The following NKAIN2 variants were observed in gnomAD, a reference collection of about 807,000 sequenced individuals.
NKAIN2 encodes the protein sodium/potassium transporting ATPase interacting 2, also known as sodium/potassium-transporting ATPase subunit beta-1-interacting protein 2.
In NKAIN2, 14 loss-of-function variants were observed where a neutral mutation model predicts 32.6. The observed-to-expected ratio is 0.43, with a 90% CI of 0.28 to 0.67. NKAIN2 has a LOEUF of 0.67. Among genes scored for constraint, NKAIN2 ranks in the 30% least tolerant of loss-of-function variants. The pLI is 0.17. For synonymous variants in NKAIN2, 80 were observed against 87.2 expected (o/e 0.92, Z 0.46); for missense variants, 198 against 258.3 (o/e 0.77, Z 1.60).
chr6:124,377,523 T>C (rs1800045292), intron 3 of NKAIN2, among the ~76,000 whole-genome samples: 1 of 152,210 alleles, frequency 6.6e-6, no homozygotes, highest in East Asian at 1.9e-4. Flanking sequence ...TTTCAAATGG[T>C]ACCTAAAGGA....
At chr6:124,043,228 G>A (rs1055246034) in intron 1 of NKAIN2, among the ~76,000 whole-genome samples, 16 of 151,992 alleles carry the variant, frequency 1.1e-4, no homozygotes, top group Admixed American at 1.0e-3. Context: ...ATGGTGGCGG[G>A]TGCCTTTAAT....
At chr6:124,647,565 G>C (rs1230511120) in intron 3 of NKAIN2, among the ~76,000 whole-genome samples, 1 of 150,818 alleles carries the variant, frequency 6.6e-6, no homozygotes, top group African/African-American at 2.4e-5. Flanking sequence ...ACTGGGTGGT[G>C]GGTATAATGA....
At chr6:124,479,197 G>A (rs1405140894) in intron 3 of NKAIN2, among the ~76,000 whole-genome samples, 1 of 152,068 alleles carries the variant, frequency 6.6e-6, no homozygotes, top group Non-Finnish European at 1.5e-5. Context: ...TCATGGATGA[G>A]ACCCTGGAAC....
chr6:124,313,421 T>C lies in NKAIN2; in HGVS notation c.192+30279T>C, dbSNP rs190334444. ...TAGATTCTCATGCATTTTCAGATATTAATATTCTCATTAGTTCAGTTTAAA... is the reference window on the plus strand; with the variant it reads ...TAGATTCTCATGCATTTTCAGATATCAATATTCTCATTAGTTCAGTTTAAA... On this transcript the variant is annotated intron_variant, in intron 2 of 6. Transcript: ENST00000368417. 1.3e-3 allele frequency among the ~76,000 whole-genome samples: 200 copies of C among 152,226 alleles called. 2 individuals are homozygous for C. The highest frequency in any genetic ancestry group is 4.2e-3 in the African/African-American group (174 of 41,556).
rs370964184 is a variant in NKAIN2, at chr6:124,267,940, A to G, written c.55-15065A>G. Among the ~76,000 whole-genome samples the G allele has an allele frequency of 3.3e-5, 5 of 152,312 alleles. No homozygotes were observed. The East Asian group carries it at 9.6e-4, about 29-fold the overall frequency. On this transcript the variant is annotated intron_variant, in intron 1 of 6. Coordinates refer to ENST00000368417, the MANE Select transcript of NKAIN2 (RefSeq NM_001040214.3). ...AATAATTTGGGAAGAGAATCCTTTT[A>G]TATCTTAATTATTGTTTTTCCACTC...
At position 124,250,145 on chromosome 6, in the gene NKAIN2, G is replaced by T. The variant is rs748102102; in HGVS notation, c.55-32860G>T. On this transcript the variant is annotated intron_variant, in intron 1 of 6. Transcript: ENST00000368417. ...GCTGTTTCCACCATGTGAGATTGTA[G>T]CTTGAAGATGGCCATTTATAAATCA... Among the ~76,000 whole-genome samples, 16 of 152,210 alleles carry T rather than the reference G, an allele frequency of 1.1e-4. No individual in the cohort carries two copies. The East Asian group carries it at 1.5e-3, about 15-fold the overall frequency.
intron 1 of NKAIN2, among the ~76,000 whole-genome samples, chr6:123,853,419 A>C (rs962385307): frequency 1.3e-5 from 2 of 152,216 alleles, no homozygotes; most frequent in Non-Finnish European, 2.9e-5. Context: ...TGTAATATTA[A>C]TAAAAAAGCA....
chr6:124,237,806 C>A (rs1046518928), intron 1 of NKAIN2, among the ~76,000 whole-genome samples: 3 of 151,988 alleles, frequency 2.0e-5, no homozygotes, highest in African/African-American at 7.2e-5. Flanking sequence ...TCTTAGATAA[C>A]CCTGGTATTT....
At chr6:123,809,889 A>G (rs890217664) in intron 1 of NKAIN2, among the ~76,000 whole-genome samples, 3 of 152,196 alleles carry the variant, frequency 2.0e-5, no homozygotes, top group Non-Finnish European at 4.4e-5. Context: ...ATCACATGCT[A>G]ACTTGATCCC....
chr6:124,740,350 A>G (rs193266861), intron 4 of NKAIN2, among the ~76,000 whole-genome samples: 22 of 151,798 alleles, frequency 1.4e-4, no homozygotes, highest in East Asian at 5.9e-4. Flanking sequence ...TTGAGGCCCA[A>G]TGGACCCATC....
intron 2 of NKAIN2, among the ~76,000 whole-genome samples, chr6:124,290,486 A>G (rs1795750601): frequency 1.3e-5 from 2 of 149,372 alleles, no homozygotes; most frequent in South Asian, 4.2e-4. Flanking sequence ...ATCTCTTTAT[A>G]GTTCTTCTGG....
intron 1 of NKAIN2, among the ~76,000 whole-genome samples, chr6:124,248,061 G>C (rs1793505448): frequency 6.6e-6 from 1 of 152,034 alleles, no homozygotes; most frequent in Admixed American, 6.6e-5. Flanking sequence ...AGAATTTCTT[G>C]TGAATATGTG....
chr6:124,110,457 G>A (rs1212408890), intron 1 of NKAIN2, among the ~76,000 whole-genome samples: 1 of 151,898 alleles, frequency 6.6e-6, no homozygotes, highest in East Asian at 1.9e-4. Context: ...TTTTTGCATG[G>A]GTATATTTTA....
intron 4 of NKAIN2, among the ~76,000 whole-genome samples, chr6:124,676,785 A>T (rs969528776): frequency 1.3e-5 from 2 of 151,992 alleles, no homozygotes; most frequent in African/African-American, 4.8e-5. Context: ...ATTTATTTAA[A>T]GTCTATTTTG....
intron 1 of NKAIN2, among the ~76,000 whole-genome samples, chr6:124,265,357 AT>A (rs1582952314): frequency 1.3e-5 from 2 of 152,250 alleles, no homozygotes; most frequent in African/African-American, 4.8e-5. Context: ...TAGAAATATT[AT>A]TTTTTATGCT....
At chr6:124,573,340 G>A (rs988673974) in intron 3 of NKAIN2, among the ~76,000 whole-genome samples, 1 of 151,824 alleles carries the variant, frequency 6.6e-6, no homozygotes, top group African/African-American at 2.4e-5. Context: ...AGAAGACCAG[G>A]CAATCTTACT....
intron 3 of NKAIN2, among the ~76,000 whole-genome samples, chr6:124,373,089 T>G (rs996081143): frequency 1.3e-5 from 2 of 152,102 alleles, no homozygotes; most frequent in South Asian, 2.1e-4. Context: ...TAGTCTAAGT[T>G]AGAGATGCTT....
At chr6:123,998,743 CTGTGTGTGTGTGTGTG>C (rs34410164) in intron 1 of NKAIN2, among the ~76,000 whole-genome samples, 10 of 134,248 alleles carry the variant, frequency 7.4e-5, no homozygotes, top group African/African-American at 2.3e-4. Flanking sequence ...CTCTCTCTCT[CTGTGTGTGTGTGTGTG>C]TGTGTGTGTG....
chr6:124,761,375 A>AACTTCTTTTTATTTT (rs1778258379), intron 4 of NKAIN2, among the ~76,000 whole-genome samples: 1 of 152,148 alleles, frequency 6.6e-6, no homozygotes, highest in Non-Finnish European at 1.5e-5. Context: ...ATTACTTCAT[A>AACTTCTTTTTATTTT]CCACGTTTCC....
Sources: allele counts gnomAD v4.1 joint callset (sites outside exome capture counted in the v4.1 genomes callset), GRCh38; gene constraint gnomAD v4.1.1; transcripts MANE v1.5; gene names NCBI Gene and HGNC (gene_info 2026-07-23, HGNC 2026-07-21).